Variants in CD86 observed in about 807,000 individuals in gnomAD.
The protein encoded by CD86 is T-lymphocyte activation antigen CD86.
In CD86, 11 loss-of-function variants were observed where a neutral mutation model predicts 32.1. The ratio of observed to expected loss-of-function variants is 0.34; its 90% CI spans 0.22 to 0.57. The LOEUF (loss-of-function observed/expected upper bound fraction) is 0.57. CD86 is among the 20% of genes least tolerant of loss of function. The pLI is 0.86. For missense variants in CD86, 359 were observed against 398.4 expected, an observed-to-expected ratio of 0.90 and a Z score of 0.84; for synonymous variants, 137 against 135.3, an observed-to-expected ratio of 1.01 and a Z score of -0.09.
chr3:122,091,646 C>G lies in CD86; in HGVS notation c.60C>G (p.Leu20=). The G allele has an allele frequency of 6.2e-7, 1 of 1,612,464 alleles. No individual in the cohort carries two copies. The highest frequency in any genetic ancestry group is 1.1e-5 in the South Asian group (1 of 91,032). The change falls in exon 2 of 7, where the codon CTC becomes CTG. Residue 20 remains leucine, a synonymous_variant. Transcript: ENST00000330540. ...TTCTCTTTGTGATGGCCTTCCTGCT[C>G]TCTGGTAAGAACCTTTCAGCTTTGT... ...SNILFVMAFL[L]SGAAPLKIQA...
At chr3:122,111,417 C>T (rs1260835108) in intron 5 of CD86, among the ~76,000 whole-genome samples, 1 of 152,190 alleles carries the variant, frequency 6.6e-6, no homozygotes, top group Non-Finnish European at 1.5e-5. Flanking sequence ...GCAAAAGGAA[C>T]TTCACATAGG....
chr3:122,066,842 A>T (rs2072420270), intron 1 of CD86, among the ~76,000 whole-genome samples: 1 of 152,168 alleles, frequency 6.6e-6, no homozygotes, highest in Admixed American at 6.6e-5. Context: ...GATTTTTAAC[A>T]CGATGAGGAA....
chr3:122,101,513 A>ATATATATATAT (rs1553753638), intron 2 of CD86, among the ~76,000 whole-genome samples: 25 of 46,258 alleles, frequency 5.4e-4, no homozygotes, highest in Middle Eastern at 0.01. Context: ...AAAAAAAAAA[A>ATATATATATAT]ATATATATAT....
chr3:122,065,560 C>G lies in CD86; in HGVS notation c.14+10057C>G, dbSNP rs2072400912. 2.0e-5 allele frequency among the ~76,000 whole-genome samples: 3 copies of G among 152,138 alleles called. No individual in the cohort carries two copies. In the South Asian group the frequency reaches 6.2e-4, roughly 31 times the overall value. ...ACTGGTGAATCTGGCAGAGGCTGCC[C>G]AGCTTCCAATGGTGTATAAGCTCTC... On this transcript the variant is annotated intron_variant, in intron 1 of 6. Coordinates refer to ENST00000330540, the MANE Select transcript of CD86 (RefSeq NM_175862.5).
At chr3:122,066,708 A>G (rs1357616084) in intron 1 of CD86, among the ~76,000 whole-genome samples, 1 of 152,190 alleles carries the variant, frequency 6.6e-6, no homozygotes, top group African/African-American at 2.4e-5. Context: ...ACTTTAATAA[A>G]TAGATACTTA....
intron 2 of CD86, among the ~76,000 whole-genome samples, chr3:122,095,401 G>A (rs1207446180): frequency 2.0e-5 from 3 of 151,940 alleles, no homozygotes; most frequent in African/African-American, 2.4e-5. Flanking sequence ...TGCTAGTCTC[G>A]AACTCCTGAC....
intron 1 of CD86, among the ~76,000 whole-genome samples, chr3:122,059,685 CG>C (rs972862539): frequency 4.6e-5 from 7 of 152,070 alleles, no homozygotes; most frequent in African/African-American, 1.7e-4. Flanking sequence ...ACATGTTAAG[CG>C]TTGAATTGTG....
chr3:122,108,613 T>G (rs1221295606), intron 4 of CD86, among the ~76,000 whole-genome samples: 1 of 152,130 alleles, frequency 6.6e-6, no homozygotes, highest in South Asian at 2.1e-4. Flanking sequence ...CCCCAGAAAC[T>G]TAGGAGTTCT....
At position 122,106,339 on chromosome 3, in the gene CD86, A is replaced by C; in HGVS notation, c.542A>C (p.Glu181Ala). 30 of 1,614,142 alleles carry C rather than the reference A, an allele frequency of 1.9e-5. No homozygotes were observed. Among genetic ancestry groups the C allele is most frequent in the Non-Finnish European group, 2.5e-5 (29 of 1,179,982 alleles). Residue 181 changes from glutamate (E) to alanine (A), a missense_variant, in exon 4 of 7, where the codon GAG (glutamate) becomes GCG (alanine). Physicochemically the swap from Glu to Ala is moderately radical, Grantham distance 107. Coordinates refer to ENST00000330540, the MANE Select transcript of CD86 (RefSeq NM_175862.5). ...CTAAGAACCAAGAATTCAACTATCGAGTATGATGGTGTTATGCAGAAATCT... is the reference window on the plus strand; with the variant it reads ...CTAAGAACCAAGAATTCAACTATCGCGTATGATGGTGTTATGCAGAAATCT... Reference protein sequence around the residue: ...VLLRTKNSTIEYDGVMQKSQD... With the variant: ...VLLRTKNSTIAYDGVMQKSQD...
At chr3:122,067,062 A>T (rs1189431620) in intron 1 of CD86, among the ~76,000 whole-genome samples, 1 of 152,048 alleles carries the variant, frequency 6.6e-6, no homozygotes, top group Non-Finnish European at 1.5e-5. Flanking sequence ...CAAAGGTTCT[A>T]GGGGTGGGGG....
At position 122,106,213 on chromosome 3, in the gene CD86, C is replaced by G; in HGVS notation, c.416C>G (p.Pro139Arg). The G allele has an allele frequency of 1.2e-6, 2 of 1,605,070 alleles. No homozygotes were observed. Among genetic ancestry groups the G allele is most frequent in the Non-Finnish European group, 1.7e-6 (2 of 1,175,738 alleles). ...ELSVLANFSQ[P>R]EIVPISNITE... ...CTGCTTTCAGCTAACTTCAGTCAAC[C>G]TGAAATAGTACCAATTTCTAATATA... Residue 139 changes from proline to arginine, a missense_variant, in exon 4 of 7, where the codon CCT becomes CGT. Coordinates refer to ENST00000330540, the MANE Select transcript of CD86 (RefSeq NM_175862.5).
chr3:122,090,852 G>T (rs2072805431), intron 1 of CD86, among the ~76,000 whole-genome samples: 2 of 152,150 alleles, frequency 1.3e-5, no homozygotes, highest in South Asian at 2.1e-4. Flanking sequence ...TGCTCTCAAA[G>T]CGTGGTCCTT....
intron 2 of CD86, among the ~76,000 whole-genome samples, chr3:122,099,469 A>G (rs1469608471): frequency 6.6e-6 from 1 of 152,222 alleles, no homozygotes; most frequent in Non-Finnish European, 1.5e-5. Flanking sequence ...AACCAGGTGA[A>G]TAGCCTGGAG....
intron 1 of CD86, chr3:122,086,527 C>T (rs796903728): frequency 4.4e-6 from 2 of 456,068 alleles, no homozygotes; most frequent in Non-Finnish European, 8.9e-6. Flanking sequence ...AGTCATATTT[C>T]CCCAGAGCTC....
At chr3:122,089,658 C>G (rs905032727) in intron 1 of CD86, among the ~76,000 whole-genome samples, 1 of 152,216 alleles carries the variant, frequency 6.6e-6, no homozygotes, top group African/African-American at 2.4e-5. Flanking sequence ...CAATTTGCAA[C>G]TATTCTTCAA....
rs1272267451 is a variant in CD86, at chr3:122,062,100, AC to A, written c.14+6598del. ...AAAGTTTAAAAAGTAAAAAAAAAAA[AC>A]AAAAACTAAAAATGTTCATCTTCAC... On this transcript the variant is annotated intron_variant, in intron 1 of 6. Transcript: ENST00000330540. 2.4e-3 allele frequency among the ~76,000 whole-genome samples: 362 copies of A among 151,944 alleles called. 1 individual carries two copies. The highest frequency in any genetic ancestry group is 0.01 in the Middle Eastern group (3 of 294).
intron 5 of CD86, among the ~76,000 whole-genome samples, chr3:122,116,817 T>A (rs1247818337): frequency 6.6e-6 from 1 of 152,158 alleles, no homozygotes; most frequent in Admixed American, 6.5e-5. Context: ...TACAATTTCA[T>A]GTATATGAAA....
Position 122,106,506 on chromosome 3 carries a change from G to T in CD86, c.703+6G>T, listed in dbSNP as rs1559911928. 6.3e-7 allele frequency: 1 copy of T among 1,591,182 alleles called. No individual in the cohort carries two copies. The highest frequency in any genetic ancestry group is 2.2e-5 in the East Asian group (1 of 44,668). ...ATCTTCACCTTTCTCTATAGGTAAA[G>T]CTGTTTTCCAAGACTATTTCTTTCA... On this transcript the variant is annotated splice_donor_region_variant and intron_variant, in intron 4 of 6. Coordinates refer to ENST00000330540, the MANE Select transcript of CD86 (RefSeq NM_175862.5).
At chr3:122,087,287 T>C (rs77517123) in intron 1 of CD86, among the ~76,000 whole-genome samples, 15 of 152,080 alleles carry the variant, frequency 9.9e-5, no homozygotes, top group African/African-American at 3.6e-4. Context: ...TCTCAGAGAA[T>C]CCCCCCGGTA....
Sources: gnomAD v4.1 joint callset for allele counts (sites outside exome capture counted in the v4.1 genomes callset) on GRCh38, gnomAD v4.1.1 for gene constraint, MANE v1.5 for transcripts, NCBI Gene and HGNC (gene_info 2026-07-23, HGNC 2026-07-21) for gene names.